Variants in LMBRD1 observed in about 807,000 individuals in gnomAD.
LMBRD1 encodes lysosomal cobalamin transport escort protein LMBD1.
In LMBRD1, 64 loss-of-function variants were observed where a neutral mutation model predicts 74.8. The ratio of observed to expected loss-of-function variants is 0.86; its 90% CI spans 0.70 to 1.05. LMBRD1 has a LOEUF of 1.05. Ranked by LOEUF, LMBRD1 falls within the 50% of genes least tolerant of loss-of-function variation. The probability of loss-of-function intolerance (pLI) is 0.00; values close to 1 mark genes in which losing one functional copy is unlikely to be tolerated. For missense variants in LMBRD1, 652 were observed against 645.9 expected (o/e 1.01, Z -0.10); for synonymous variants, 204 against 216.3 (o/e 0.94, Z 0.50).
chr6:69,783,612 T>G (rs1230836605), intron 2 of LMBRD1, among the ~76,000 whole-genome samples: 1 of 152,208 alleles, frequency 6.6e-6, no homozygotes, highest in African/African-American at 2.4e-5. Flanking sequence ...TGGACTCAAG[T>G]GATCTGCCTG....
chr6:69,701,042 C>G (rs912270367), intron 11 of LMBRD1, among the ~76,000 whole-genome samples, 173 bp from the exon 12 acceptor site: 7 of 151,250 alleles, frequency 4.6e-5, no homozygotes, highest in Non-Finnish European at 7.4e-5. Context: ...CTAACAAGTA[C>G]CAAACTATTA....
At chr6:69,749,201 C>A in intron 5 of LMBRD1, 140 bp downstream of exon 5, 1 of 688,386 alleles carries the variant, frequency 1.5e-6, no homozygotes, top group Non-Finnish European at 2.5e-6. Context: ...GGCTATTGTT[C>A]CTTGGAGATT....
At chr6:69,709,530 A>C (rs1319585911) in intron 9 of LMBRD1, among the ~76,000 whole-genome samples, 2 of 152,204 alleles carry the variant, frequency 1.3e-5, no homozygotes, top group Non-Finnish European at 2.9e-5. Flanking sequence ...ATTTACTAAC[A>C]AAAAGAATAA....
intron 3 of LMBRD1, among the ~76,000 whole-genome samples, chr6:69,762,706 G>A (rs1765396992): frequency 6.6e-6 from 1 of 152,102 alleles, no homozygotes; most frequent in South Asian, 2.1e-4. Flanking sequence ...AGGATTAAAT[G>A]AAGCCACAAG....
At chr6:69,698,990 A>G (rs1766067520) in intron 13 of LMBRD1, 53 bp downstream of exon 13, 1 of 1,220,822 alleles carries the variant, frequency 8.2e-7, no homozygotes, top group Non-Finnish European at 1.2e-6. Flanking sequence ...TTCATTTTAA[A>G]TATCACTATC....
At chr6:69,685,657 T>C (rs1265192971) in intron 14 of LMBRD1, among the ~76,000 whole-genome samples, 1 of 151,902 alleles carries the variant, frequency 6.6e-6, no homozygotes, top group Non-Finnish European at 1.5e-5. Context: ...AAAAATTAGT[T>C]GGGCATGGTG....
At chr6:69,780,814 G>C (rs958160527) in intron 2 of LMBRD1, among the ~76,000 whole-genome samples, 5 of 152,138 alleles carry the variant, frequency 3.3e-5, no homozygotes, top group African/African-American at 1.2e-4. Flanking sequence ...TCTCAAAAAT[G>C]ACTAAACTGA....
Position 69,796,899 on chromosome 6 carries a change from A to G in LMBRD1, c.-18T>C. 1 of 1,605,016 alleles carries G rather than the reference A, an allele frequency of 6.2e-7. No homozygotes were observed. On this transcript the variant is annotated 5_prime_UTR_variant, in exon 1 of 16. Coordinates refer to ENST00000649934, the MANE Select transcript of LMBRD1 (RefSeq NM_018368.4). ...GTCGCCATCTTCGCTTCCGGTCCAG[A>G]CCAACCTGAGCGCCCGGGGTGGGGA... is the stretch of plus-strand genomic sequence containing the variant.
intron 7 of LMBRD1, among the ~76,000 whole-genome samples, chr6:69,728,915 AACC>A (rs1253383072): frequency 1.3e-5 from 2 of 152,156 alleles, no homozygotes; most frequent in Non-Finnish European, 2.9e-5. Context: ...CTGCTACTTT[AACC>A]AGAGCAATTC....
At chr6:69,792,712 T>C (rs1422567955) in intron 1 of LMBRD1, among the ~76,000 whole-genome samples, 1 of 152,248 alleles carries the variant, frequency 6.6e-6, no homozygotes, top group African/African-American at 2.4e-5. Flanking sequence ...CATTCTGAAG[T>C]CTTTGAAAGC....
At position 69,776,918 on chromosome 6, in the gene LMBRD1, G is replaced by A. The variant is rs142435677; in HGVS notation, c.307+3576C>T. On this transcript the variant is annotated intron_variant, in intron 3 of 15. Transcript: ENST00000649934. The stretch of plus-strand genomic sequence containing the variant: ...GTCTGTAATCCCAGCACTTTGAGAC[G>A]GGCAGATCGCTTGAGGTCAGGAGTT... Among the ~76,000 whole-genome samples the A allele has an allele frequency of 3.5e-3, 535 of 152,202 alleles. 1 individual carries two copies. Among genetic ancestry groups the A allele is most frequent in the African/African-American group, 0.012 (515 of 41,548 alleles).
intron 14 of LMBRD1, among the ~76,000 whole-genome samples, chr6:69,680,423 C>T (rs1239530925): frequency 6.6e-6 from 1 of 152,044 alleles, no homozygotes; most frequent in African/African-American, 2.4e-5. Context: ...GCTAACAAAA[C>T]AGAGGCTGAG....
intron 13 of LMBRD1, among the ~76,000 whole-genome samples, chr6:69,697,855 T>C (rs1766039811): frequency 6.6e-6 from 1 of 152,058 alleles, no homozygotes; most frequent in South Asian, 2.1e-4. Context: ...AGGTCCTGTG[T>C]TGAACAACAT....
chr6:69,698,091 TGGTTCA>T lies in LMBRD1; in HGVS notation c.1339-456_1339-451del, dbSNP rs1177943743. Reference sequence around the variant, plus strand: ...AAAAAGGTATAAGAAGTGAGAAATATGGTTCAGGTGGTTTTCCAGGATGCTGTTTCC... The same window carrying T: ...AAAAAGGTATAAGAAGTGAGAAATATGGTGGTTTTCCAGGATGCTGTTTCC... On this transcript the variant is annotated intron_variant, in intron 13 of 15. Coordinates refer to ENST00000649934, the MANE Select transcript of LMBRD1 (RefSeq NM_018368.4). Among the ~76,000 whole-genome samples the T allele has an allele frequency of 2.0e-5, 3 of 152,030 alleles. No individual in the cohort carries two copies. The East Asian group carries it at 5.8e-4, about 29-fold the overall frequency.
In LMBRD1 at chr6:69,683,598, A is replaced by G. The variant is rs1408414544; in HGVS notation, c.1418-7057T>C. Among the ~76,000 whole-genome samples, 3 of 152,124 alleles carry G rather than the reference A, an allele frequency of 2.0e-5. No homozygotes were observed. In the South Asian group the frequency reaches 6.2e-4, roughly 32 times the overall value. ...AATCAAATCAAATGAGGTTATCAAC[A>G]CAAACTTCTTATTTGTCAAATAAAA... On this transcript the variant is annotated intron_variant, in intron 14 of 15. Transcript: ENST00000649934.
chr6:69,721,028 A>G (rs1015367137), intron 7 of LMBRD1, among the ~76,000 whole-genome samples: 2 of 152,210 alleles, frequency 1.3e-5, no homozygotes, highest in Admixed American at 6.5e-5. Flanking sequence ...GCTAGTGCCC[A>G]TGCATAGAAG....
chr6:69,678,278 A>C (rs1765588695), intron 14 of LMBRD1, among the ~76,000 whole-genome samples: 1 of 152,264 alleles, frequency 6.6e-6, no homozygotes, highest in South Asian at 2.1e-4. Flanking sequence ...ATTATCATAA[A>C]GGTCTTTATC....
intron 1 of LMBRD1, among the ~76,000 whole-genome samples, chr6:69,791,846 T>C (rs80236260): frequency 0.013 from 1,989 of 152,222 alleles, 41 homozygotes; most frequent in African/African-American, 0.046. Context: ...AGAGAGCAGT[T>C]TTCCATGACT....
intron 14 of LMBRD1, among the ~76,000 whole-genome samples, chr6:69,688,954 C>T (rs1369770804): frequency 1.3e-5 from 2 of 151,872 alleles, no homozygotes; most frequent in African/African-American, 4.8e-5. Context: ...TAGATAAATA[C>T]CCAGTTGGTT....
Sources: gnomAD v4.1 joint callset for allele counts (sites outside exome capture counted in the v4.1 genomes callset) on GRCh38, gnomAD v4.1.1 for gene constraint, MANE v1.5 for transcripts, NCBI Gene and HGNC (gene_info 2026-07-23, HGNC 2026-07-21) for gene names.